The following AFTPH variants were observed in gnomAD, a reference collection of about 807,000 sequenced individuals.
AFTPH encodes aftiphilin, also known as aftiphilin protein.
A neutral mutation model predicts 72.5 loss-of-function variants in AFTPH; 7 were observed. The observed-to-expected ratio is 0.10, with a 90% confidence interval of 0.05 to 0.18. The LOEUF (loss-of-function observed/expected upper bound fraction) is 0.18, where lower values mean the gene tolerates loss of function less well. Among genes scored for constraint, AFTPH ranks in the 10% least tolerant of loss-of-function variants. The pLI, the probability that AFTPH is intolerant of heterozygous loss-of-function variation, is 1.00. For missense variants in AFTPH, 979 were observed against 1,060.5 expected (o/e 0.92, Z 1.07); for synonymous variants, 337 against 370.1 (o/e 0.91, Z 1.03).
At chr2:64,552,134 T>C in exon 2 of AFTPH, 2 of 1,614,126 alleles carry the variant, frequency 1.2e-6, no homozygotes, top group Non-Finnish European at 1.7e-6. Context: ...CTGAGTATAA[T>C]TTAGACTCTG....
At chr2:64,549,308 CTTTTTTTTTTTTTTTTTTTTT>C (rs34951706) in intron 1 of AFTPH, among the ~76,000 whole-genome samples, 5 of 55,982 alleles carry the variant, frequency 8.9e-5, no homozygotes, top group Admixed American at 5.9e-4. Flanking sequence ...TTAGTCCTCC[CTTTTTTTTTTTTTTTTTTTTT>C]TTTTTTTTTG....
At chr2:64,583,619 A>G (rs1215088508) in intron 7 of AFTPH, among the ~76,000 whole-genome samples, 1 of 152,222 alleles carries the variant, frequency 6.6e-6, no homozygotes, top group Non-Finnish European at 1.5e-5. Context: ...GCTGGAATCT[A>G]GCCTTTAGAG....
intron 3 of AFTPH, among the ~76,000 whole-genome samples, chr2:64,568,032 C>T (rs558355440): frequency 3.3e-5 from 5 of 151,268 alleles, no homozygotes; most frequent in Non-Finnish European, 5.9e-5. Flanking sequence ...CAGAACAAGG[C>T]TCTATCTCCA....
chr2:64,573,051 A>G (rs1365246832), exon 6 of AFTPH: 2 of 1,614,036 alleles, frequency 1.2e-6, no homozygotes, highest in Admixed American at 1.7e-5. Flanking sequence ...GAACACATGT[A>G]CATCTGATCA....
At chr2:64,564,767 A>C (rs1671954644) in intron 2 of AFTPH, among the ~76,000 whole-genome samples, 1 of 152,162 alleles carries the variant, frequency 6.6e-6, no homozygotes, top group Admixed American at 6.6e-5. Context: ...TTTATTACCC[A>C]AAACAAGATA....
chr2:64,552,591 G>C (rs1359531916), exon 2 of AFTPH: 3 of 1,614,150 alleles, frequency 1.9e-6, no homozygotes, highest in South Asian at 2.2e-5. Flanking sequence ...CATGGATTCT[G>C]TTAAAACTTC....
At chr2:64,534,449 A>G (rs1383001466) in intron 1 of AFTPH, among the ~76,000 whole-genome samples, 1 of 152,162 alleles carries the variant, frequency 6.6e-6, no homozygotes, top group East Asian at 1.9e-4. Flanking sequence ...AGAATATTTG[A>G]GTATTCATCA....
chr2:64,556,234 C>T (rs1313314194), intron 2 of AFTPH, among the ~76,000 whole-genome samples: 5 of 152,134 alleles, frequency 3.3e-5, no homozygotes, highest in African/African-American at 7.2e-5. Context: ...GTGATCCACC[C>T]GGCTCGGCCT....
At chr2:64,544,179 C>A (rs1558598781) in intron 1 of AFTPH, among the ~76,000 whole-genome samples, 1 of 152,206 alleles carries the variant, frequency 6.6e-6, no homozygotes, top group Non-Finnish European at 1.5e-5. Context: ...GTCCCCTAAT[C>A]TCCTGATAAG....
chr2:64,581,113 C>G, intron 7 of AFTPH, 77 bp from the exon 8 acceptor site: 1 of 946,954 alleles, frequency 1.1e-6, no homozygotes, highest in South Asian at 1.6e-5. Context: ...GTGTCTTACC[C>G]CTTTTTACAC....
chr2:64,568,949 G>C, intron 3 of AFTPH, 143 bp from the exon 4 acceptor site: 1 of 904,562 alleles, frequency 1.1e-6, no homozygotes, highest in South Asian at 1.4e-5. Flanking sequence ...ATTGGCTCTT[G>C]ATTTCATTCA....
rs1324872857 is a variant in AFTPH, at chr2:64,524,753, TCTGCGGGC to T, written c.-33+150_-33+157del. The T allele has an allele frequency of 2.8e-5, 10 of 359,118 alleles. No individual in the cohort carries two copies. The South Asian group carries it at 7.4e-4, about 27-fold the overall frequency. 22.2% of individuals were successfully genotyped at this position (359,118 alleles called of 1,614,324 possible). On this transcript the variant is annotated intron_variant, in intron 1 of 8. Transcript: ENST00000238856. ...CGGGAGCTGTGAGGACGGAGCTGGCTCTGCGGGCCTGCGGGCTCCCGGCTCTGCTCTCT... is the reference window on the plus strand; with the variant it reads ...CGGGAGCTGTGAGGACGGAGCTGGCTCTGCGGGCTCCCGGCTCTGCTCTCT...
chr2:64,528,274 ATCT>A (rs1454694638), intron 1 of AFTPH, among the ~76,000 whole-genome samples: 3 of 152,214 alleles, frequency 2.0e-5, no homozygotes, highest in East Asian at 3.8e-4. Flanking sequence ...CATGCATGTT[ATCT>A]TCTTCCTTTC....
intron 2 of AFTPH, among the ~76,000 whole-genome samples, chr2:64,565,850 A>G (rs1672053304): frequency 6.6e-6 from 1 of 152,314 alleles, no homozygotes; most frequent in South Asian, 2.1e-4. Context: ...TTCAACTTAC[A>G]TCCTTTTTTG....
chr2:64,573,147 A>G, intron 6 of AFTPH, 79 bp downstream of exon 6: 1 of 1,062,488 alleles, frequency 9.4e-7, no homozygotes, highest in Non-Finnish European at 1.4e-6. Context: ...TTTTTCCTTC[A>G]TTTATGACTG....
chr2:64,552,732 G>A, exon 2 of AFTPH: 1 of 1,614,182 alleles, frequency 6.2e-7, no homozygotes, highest in Non-Finnish European at 8.5e-7. Context: ...TAGTAGTAAT[G>A]ACTTTGTGAC....
intron 8 of AFTPH, among the ~76,000 whole-genome samples, chr2:64,586,572 A>G (rs935295019): frequency 4.6e-5 from 7 of 152,138 alleles, no homozygotes; most frequent in African/African-American, 1.7e-4. Flanking sequence ...GATTTTTCTT[A>G]TTGCCTTTAA....
intron 6 of AFTPH, among the ~76,000 whole-genome samples, chr2:64,578,195 T>C (rs1367574349): frequency 1.3e-5 from 2 of 151,758 alleles, no homozygotes; most frequent in East Asian, 1.9e-4. Context: ...AGTTAGACTT[T>C]ACAAAAATAA....
At chr2:64,564,735 T>C (rs1299715097) in intron 2 of AFTPH, among the ~76,000 whole-genome samples, 1 of 152,160 alleles carries the variant, frequency 6.6e-6, no homozygotes, top group Non-Finnish European at 1.5e-5. Context: ...AATTAACTAG[T>C]AGTAAGTTAA....
Sources: gnomAD v4.1 joint callset for allele counts (sites outside exome capture counted in the v4.1 genomes callset) on GRCh38, gnomAD v4.1.1 for gene constraint, MANE v1.5 for transcripts, NCBI Gene and HGNC (gene_info 2026-07-23, HGNC 2026-07-21) for gene names.